PTPRG: variants seen among roughly 807,000 people sequenced by gnomAD.
PTPRG encodes the protein receptor-type tyrosine-protein phosphatase gamma.
PTPRG carries 102 observed loss-of-function variants against 165.3 expected under a neutral mutation model. The observed-to-expected ratio is 0.62, with a 90% confidence interval of 0.53 to 0.73. PTPRG has a LOEUF of 0.73. Among genes scored for constraint, PTPRG ranks in the 30% least tolerant of loss-of-function variants. The pLI is 0.00. For synonymous variants in PTPRG, 675 were observed against 669.5 expected (o/e 1.01, Z -0.13); for missense variants, 1,866 against 1,861.4 (o/e 1.00, Z -0.05).
intron 2 of PTPRG, among the ~76,000 whole-genome samples, chr3:61,812,643 G>A (rs895780466): frequency 2.6e-5 from 4 of 152,184 alleles, no homozygotes; most frequent in African/African-American, 9.6e-5. Context: ...GCTTTCCACA[G>A]TAGAGATTCT....
chr3:61,728,223 C>A (rs918020308), intron 1 of PTPRG, among the ~76,000 whole-genome samples: 1 of 152,164 alleles, frequency 6.6e-6, no homozygotes, highest in Non-Finnish European at 1.5e-5. Context: ...TGCACACACC[C>A]GTGCGACCTT....
chr3:61,844,675 C>G (rs1293148919), intron 2 of PTPRG, among the ~76,000 whole-genome samples: 1 of 147,720 alleles, frequency 6.8e-6, no homozygotes, highest in Non-Finnish European at 1.5e-5. Context: ...TTTTTTTCCC[C>G]CTGTTTGGTA....
At chr3:61,941,157 C>T (rs1433289375) in intron 2 of PTPRG, among the ~76,000 whole-genome samples, 1 of 152,066 alleles carries the variant, frequency 6.6e-6, no homozygotes, top group African/African-American at 2.4e-5. Flanking sequence ...GATAATCATT[C>T]ATGAGTGCAA....
In PTPRG at chr3:62,100,161, G is replaced by A. The variant is rs151228079; in HGVS notation, c.615+21903G>A. ...TGGAGGAGCAGGAATTTGAACCCCC[G>A]AACTCAGCCACAACTGCTGTTTACC... is the stretch of plus-strand genomic sequence containing the variant. On this transcript the variant is annotated intron_variant, in intron 5 of 29. Coordinates refer to ENST00000474889, the MANE Select transcript of PTPRG (RefSeq NM_002841.4). 4.6e-5 allele frequency among the ~76,000 whole-genome samples: 7 copies of A among 152,070 alleles called. No individual in the cohort carries two copies. In the South Asian group the frequency reaches 8.3e-4, roughly 18 times the overall value.
intron 2 of PTPRG, among the ~76,000 whole-genome samples, chr3:61,949,196 CAACCAAACA>C (rs2039837649): frequency 6.6e-6 from 1 of 152,022 alleles, no homozygotes; most frequent in Non-Finnish European, 1.5e-5. Context: ...CCAAATCAAC[CAACCAAACA>C]AAAAAACCAG....
chr3:62,124,675 G>A (rs1266610535), intron 5 of PTPRG: 13 of 696,856 alleles, frequency 1.9e-5, no homozygotes, highest in Admixed American at 7.6e-5. Context: ...CACCGCTGCC[G>A]CCTGCTGAGC....
intron 2 of PTPRG, among the ~76,000 whole-genome samples, chr3:61,813,510 C>T (rs1484170779): frequency 1.6e-5 from 2 of 126,846 alleles, no homozygotes; most frequent in Non-Finnish European, 3.2e-5. Context: ...AATGAGACTC[C>T]GTCTCAAAAA....
chr3:62,287,547 G>A (rs1389361900), intron 28 of PTPRG, among the ~76,000 whole-genome samples: 1 of 152,050 alleles, frequency 6.6e-6, no homozygotes, highest in East Asian at 1.9e-4. Flanking sequence ...GTGGAGTGTA[G>A]AACTGAAATG....
At chr3:61,907,726 GA>G (rs1208083720) in intron 2 of PTPRG, among the ~76,000 whole-genome samples, 1 of 152,170 alleles carries the variant, frequency 6.6e-6, no homozygotes. Context: ...TCTGAAATCG[GA>G]CTGTCAGTGG....
At chr3:61,806,733 T>G (rs1275444355) in intron 2 of PTPRG, among the ~76,000 whole-genome samples, 2 of 152,218 alleles carry the variant, frequency 1.3e-5, no homozygotes, top group Non-Finnish European at 2.9e-5. Context: ...GTAATTATTC[T>G]TTAAATACTG....
At chr3:61,758,868 C>G (rs1462960823) in intron 2 of PTPRG, among the ~76,000 whole-genome samples, 1 of 152,078 alleles carries the variant, frequency 6.6e-6, no homozygotes, top group Non-Finnish European at 1.5e-5. Flanking sequence ...TTAGAATTGC[C>G]AATATGTAGT....
intron 1 of PTPRG, among the ~76,000 whole-genome samples, chr3:61,658,210 G>A (rs1702562170): frequency 6.6e-6 from 1 of 152,192 alleles, no homozygotes; most frequent in Non-Finnish European, 1.5e-5. Context: ...TGCCAGAATA[G>A]GAATGTTCTG....
rs1037702186 is a variant in PTPRG at position 62,273,661 on chromosome 3, C to G, written c.3319-37C>G. ...TCATGAATGAGTGGCTAACCCTTAA[C>G]ACTCCCTCAGTGACTACCATGTATT... On this transcript the variant is annotated intron_variant, in intron 22 of 29. Coordinates refer to ENST00000474889, the MANE Select transcript of PTPRG (RefSeq NM_002841.4). The surrounding 1 kb of genome is among the most constrained non-coding windows in gnomAD (Gnocchi z 4.1). The G allele has an allele frequency of 6.2e-7, 1 of 1,605,748 alleles. No individual in the cohort carries two copies. Among genetic ancestry groups the G allele is most frequent in the African/African-American group, 1.3e-5 (1 of 74,704 alleles).
rs182004408 is a variant in PTPRG, at chr3:62,039,090, A to G, written c.519+35593A>G. 8.5e-4 allele frequency among the ~76,000 whole-genome samples: 129 copies of G among 152,178 alleles called. No individual in the cohort carries two copies. In the East Asian group the frequency reaches 0.019, roughly 22 times the overall value. ...GCTGGAACTACAGGCACATGCCACC[A>G]TGCCTGACTAATTTTTGTATTTTTA... is the stretch of plus-strand genomic sequence containing the variant. On this transcript the variant is annotated intron_variant, in intron 4 of 29. Transcript: ENST00000474889.
At chr3:61,609,006 A>G (rs547471219) in intron 1 of PTPRG, among the ~76,000 whole-genome samples, 1 of 152,256 alleles carries the variant, frequency 6.6e-6, no homozygotes, top group African/African-American at 2.4e-5. Context: ...TTTGCCCTCG[A>G]TGTGTGAGGT....
intron 1 of PTPRG, among the ~76,000 whole-genome samples, chr3:61,563,556 T>G (rs112476789): frequency 3.3e-5 from 5 of 152,310 alleles, no homozygotes; most frequent in South Asian, 2.1e-4. Flanking sequence ...AGGGGTGATT[T>G]GCTTTTCATC....
intron 2 of PTPRG, among the ~76,000 whole-genome samples, chr3:61,779,675 CT>C (rs2034487917): frequency 6.6e-6 from 1 of 151,930 alleles, no homozygotes; most frequent in Non-Finnish European, 1.5e-5. Flanking sequence ...CATATTTTAG[CT>C]CTTGTTTAGT....
At chr3:61,732,301 G>C (rs531758341) in intron 1 of PTPRG, among the ~76,000 whole-genome samples, 1 of 152,094 alleles carries the variant, frequency 6.6e-6, no homozygotes, top group Non-Finnish European at 1.5e-5. Context: ...TAGCAGGCCG[G>C]GCGCAGTGGC....
rs752623526 is a variant in PTPRG, at chr3:62,003,307, A to G, written c.371-42A>G. On this transcript the variant is annotated intron_variant, in intron 3 of 29. Coordinates refer to ENST00000474889, the MANE Select transcript of PTPRG (RefSeq NM_002841.4). ...AACAGAAAAACTCCATTTGGTTTTG[A>G]AACTCACTTTGTTTTCCTCTCTTCT... 11 of 1,581,628 alleles carry G rather than the reference A, an allele frequency of 7.0e-6. No individual in the cohort carries two copies. In the South Asian group the frequency reaches 1.3e-4, roughly 19 times the overall value.
Sources: allele counts gnomAD v4.1 joint callset (sites outside exome capture counted in the v4.1 genomes callset), GRCh38; gene constraint gnomAD v4.1.1; non-coding constraint Gnocchi (gnomAD v3.1); transcripts MANE v1.5; gene names NCBI Gene and HGNC (gene_info 2026-07-23, HGNC 2026-07-21).